The following RASGRP4 variants were observed in gnomAD, a reference collection of about 807,000 sequenced individuals.
The protein encoded by RASGRP4 is RAS guanyl-releasing protein 4.
RASGRP4 carries 52 observed loss-of-function variants against 84.4 expected under a neutral mutation model. The observed-to-expected ratio is 0.62, with a 90% CI of 0.49 to 0.78. The LOEUF is 0.78. Ranked by LOEUF, RASGRP4 falls within the 30% of genes least tolerant of loss-of-function variation. RASGRP4 has a pLI of 0.00. For missense variants in RASGRP4, 760 were observed against 886.9 expected (o/e 0.86, Z 1.82); for synonymous variants, 356 against 359.1 (o/e 0.99, Z 0.10).
chr19:38,420,836 G>T, intron 4 of RASGRP4, 72 bp downstream of exon 4: 1 of 1,476,696 alleles, frequency 6.8e-7, no homozygotes, highest in Non-Finnish European at 9.5e-7. Flanking sequence ...GATTCTCTGA[G>T]GAATGTTTTT....
chr19:38,410,483 G>A (rs1258082037), intron 16 of RASGRP4, among the ~76,000 whole-genome samples: 1 of 149,630 alleles, frequency 6.7e-6, no homozygotes, highest in Non-Finnish European at 1.5e-5. Context: ...CACAATCTCA[G>A]CTCACTACAG....
intron 9 of RASGRP4, among the ~76,000 whole-genome samples, chr19:38,414,216 C>T (rs368767038): frequency 1.3e-5 from 2 of 152,318 alleles, no homozygotes; most frequent in African/African-American, 4.8e-5. Flanking sequence ...TGAGCCACTG[C>T]GCCCGGCTAG....
Position 38,410,051 on chromosome 19 carries a change from G to C in RASGRP4, c.2011C>G (p.Leu671Val). The change falls in exon 17 of 17, where the codon CTG (leucine) becomes GTG (valine). Residue 671 changes from leucine to valine, a missense_variant. Leu to Val is a conservative substitution (Grantham distance 32). Coordinates refer to ENST00000615439, the MANE Select transcript of RASGRP4 (RefSeq NM_170604.3). ...AGACCAAGAGATGTCTAGGAATCCAGCTTGGAGGATGCAGTTGATGGTGGG... is the reference window on the plus strand; with the variant it reads ...AGACCAAGAGATGTCTAGGAATCCACCTTGGAGGATGCAGTTGATGGTGGG... ...MDPPSTASSK[L>V]DS 4 of 1,612,266 alleles carry C rather than the reference G, an allele frequency of 2.5e-6. No individual in the cohort carries two copies. The highest frequency in any genetic ancestry group is 3.4e-6 in the Non-Finnish European group (4 of 1,179,026).
rs1600589092 is a variant in RASGRP4, at chr19:38,426,212, G to A, written c.-121C>T. The A allele has an allele frequency of 6.2e-6, 5 of 810,714 alleles. No individual in the cohort carries two copies. In the East Asian group the frequency reaches 1.7e-4, roughly 27 times the overall value. 50.2% of individuals were successfully genotyped at this position (810,714 alleles called of 1,614,324 possible). The stretch of plus-strand genomic sequence containing the variant: ...CTGGGGCCTCCTCGGTGCTTGGGAA[G>A]GAAAGAGGAACTGCCCCTCCCCACC... On this transcript the variant is annotated 5_prime_UTR_variant, in exon 1 of 17. Coordinates refer to ENST00000615439, the MANE Select transcript of RASGRP4 (RefSeq NM_170604.3).
chr19:38,426,018 C>G, intron 1 of RASGRP4, 51 bp downstream of exon 1: 2 of 1,329,308 alleles, frequency 1.5e-6, no homozygotes, highest in Non-Finnish European at 2.0e-6. Context: ...CCCTCCCATG[C>G]AGAGGGAGGC....
intron 8 of RASGRP4, among the ~76,000 whole-genome samples, chr19:38,416,727 G>T (rs1410014111): frequency 6.6e-6 from 1 of 152,110 alleles, no homozygotes; most frequent in African/African-American, 2.4e-5. Flanking sequence ...GGGCATCTTC[G>T]GCTTAATTTC....
chr19:38,411,030 CT>C, intron 15 of RASGRP4, 32 bp from the exon 16 acceptor site: 1 of 1,610,098 alleles, frequency 6.2e-7, no homozygotes, highest in Non-Finnish European at 8.5e-7. Context: ...GGATGTGGGT[CT>C]GATGGGAAGG....
Position 38,417,805 on chromosome 19 carries a change from C to T in RASGRP4, c.837+586G>A, listed in dbSNP as rs1415541050. On this transcript the variant is annotated intron_variant, in intron 7 of 16. Transcript: ENST00000615439. This position sits in a 1 kb window ranked among gnomAD's most constrained non-coding sequence, Gnocchi z 5.1. Reference sequence around the variant, plus strand: ...CGTCGAGACCCCCAGGTCTCAGGGGCCCTGCAGGAGTAAGCAAGCCAGGGA... The same window carrying T: ...CGTCGAGACCCCCAGGTCTCAGGGGTCCTGCAGGAGTAAGCAAGCCAGGGA... Among the ~76,000 whole-genome samples the T allele has an allele frequency of 6.6e-6, 1 of 152,080 alleles. No homozygotes were observed. The highest frequency in any genetic ancestry group is 6.6e-5 in the Admixed American group (1 of 15,266).
chr19:38,420,092 C>A, intron 5 of RASGRP4, 39 bp downstream of exon 5: 1 of 1,607,016 alleles, frequency 6.2e-7, no homozygotes, highest in South Asian at 1.1e-5. Flanking sequence ...GGCAGAATGG[C>A]GATGGGGCAG....
chr19:38,416,264 G>A (rs1309170323), intron 8 of RASGRP4, among the ~76,000 whole-genome samples: 1 of 151,436 alleles, frequency 6.6e-6, no homozygotes, highest in Admixed American at 6.6e-5. Flanking sequence ...AGGAGTTTGA[G>A]ACCAGCCTGG....
At chr19:38,420,398 G>T in intron 4 of RASGRP4, 136 bp from the exon 5 acceptor site, 2 of 884,610 alleles carry the variant, frequency 2.3e-6, no homozygotes, top group Non-Finnish European at 3.3e-6. Context: ...GGAGGGTTGG[G>T]GTTTGGAGGG....
chr19:38,413,344 G>C lies in RASGRP4; in HGVS notation c.1312-47C>G, dbSNP rs368195529. Reference sequence around the variant, plus strand: ...ACAGTTAGTCACTGCATAGGCTTAGGGGGGGTTCGAGGTAATTGGGGGAGT... The same window carrying C: ...ACAGTTAGTCACTGCATAGGCTTAGCGGGGGTTCGAGGTAATTGGGGGAGT... On this transcript the variant is annotated intron_variant, in intron 10 of 16. Transcript: ENST00000615439. The surrounding 1 kb of genome is among the most constrained non-coding windows in gnomAD (Gnocchi z 4.7). 28 of 1,603,310 alleles carry C rather than the reference G, an allele frequency of 1.7e-5. No individual in the cohort carries two copies. The highest frequency in any genetic ancestry group is 1.0e-4 in the Admixed American group (6 of 59,504).
intron 1 of RASGRP4, 129 bp from the exon 2 acceptor site, chr19:38,422,282 CT>C: frequency 1.3e-6 from 1 of 780,240 alleles, no homozygotes; most frequent in Non-Finnish European, 2.0e-6. Context: ...AGGGTTACCC[CT>C]GACCTACCAG....
In RASGRP4 at chr19:38,413,079, G is replaced by A. The variant is rs778403103; in HGVS notation, c.1417-30C>T. The A allele has an allele frequency of 1.8e-5, 29 of 1,594,630 alleles. 1 individual carries two copies. In the South Asian group the frequency reaches 2.8e-4, roughly 15 times the overall value. On this transcript the variant is annotated intron_variant, in intron 11 of 16. Coordinates refer to ENST00000615439, the MANE Select transcript of RASGRP4 (RefSeq NM_170604.3). The surrounding 1 kb of genome is among the most constrained non-coding windows in gnomAD (Gnocchi z 4.7). ...AGAGGAGTGTGGGGAAGCAGATAAG[G>A]CCCAGTTGTCGAAATATGATCCCCA...
In RASGRP4 at chr19:38,409,334, A is replaced by T. The variant is rs1280425580; in HGVS notation, c.*706T>A. ...CACTGGGGATGCAGCAGTGAATGACATTGATAGAAATCCCTGTTCTCCTGG... is the reference window on the plus strand; with the variant it reads ...CACTGGGGATGCAGCAGTGAATGACTTTGATAGAAATCCCTGTTCTCCTGG... On this transcript the variant is annotated 3_prime_UTR_variant, in exon 17 of 17. Coordinates refer to ENST00000615439, the MANE Select transcript of RASGRP4 (RefSeq NM_170604.3). 1.3e-5 allele frequency: 2 copies of T among 154,238 alleles called. No individual in the cohort carries two copies. The highest frequency in any genetic ancestry group is 2.9e-5 in the Non-Finnish European group (2 of 69,616). The allele number at this position is 154,238 out of a possible 1,614,324, so 9.6% of individuals were successfully genotyped here.
chr19:38,412,876 C>A lies in RASGRP4; in HGVS notation c.1535+55G>T. On this transcript the variant is annotated intron_variant, in intron 12 of 16. Coordinates refer to ENST00000615439, the MANE Select transcript of RASGRP4 (RefSeq NM_170604.3). The surrounding 1 kb of genome is among the most constrained non-coding windows in gnomAD (Gnocchi z 4.6). ...CCCAACGTCCTCCAGACCCAGGAGT[C>A]CAGGCAACCCCAGTGTCCTCATCTT... 6.2e-7 allele frequency: 1 copy of A among 1,612,892 alleles called. No individual in the cohort carries two copies. Among genetic ancestry groups the A allele is most frequent in the Non-Finnish European group, 8.5e-7 (1 of 1,179,072 alleles).
intron 9 of RASGRP4, among the ~76,000 whole-genome samples, chr19:38,414,167 C>T (rs1242004292): frequency 6.6e-6 from 1 of 151,966 alleles, no homozygotes; most frequent in Non-Finnish European, 1.5e-5. Context: ...TCAGGCAATC[C>T]GCCTACCTCA....
chr19:38,418,100 TG>T lies in RASGRP4; in HGVS notation c.837+290del, dbSNP rs777671165. 4.6e-5 allele frequency among the ~76,000 whole-genome samples: 7 copies of T among 151,366 alleles called. No individual in the cohort carries two copies. Among genetic ancestry groups the T allele is most frequent in the Non-Finnish European group, 1.0e-4 (7 of 67,882 alleles). On this transcript the variant is annotated intron_variant, in intron 7 of 16. Transcript: ENST00000615439. This position sits in a 1 kb window ranked among gnomAD's most constrained non-coding sequence, Gnocchi z 4.6. The stretch of plus-strand genomic sequence containing the variant: ...TCCATGCCCCACAAAGGTGGGGGCA[TG>T]GAAGAGACACTCTCATTGACCTGGG...
rs541863413 is a variant in RASGRP4, at chr19:38,413,260, C to T, written c.1349G>A (p.Trp450Ter). ...SPFNAPLVVEWAPGVTPKPDR... is the reference protein window; with the variant it reads ...SPFNAPLVVE ...CGGCTTGGGTGTCACACCAGGGGCC[C>T]ACTCCACCACCAGAGGTGCATTGAA... Residue 450 changes from tryptophan (W) to a stop codon, truncating the protein, a stop_gained, in exon 11 of 17, where the codon TGG becomes TAG. Coordinates refer to ENST00000615439, the MANE Select transcript of RASGRP4 (RefSeq NM_170604.3). LOFTEE classifies it high-confidence loss of function. This position sits in a 1 kb window ranked among gnomAD's most constrained non-coding sequence, Gnocchi z 4.7. The T allele has an allele frequency of 6.2e-7, 1 of 1,613,814 alleles. No individual in the cohort carries two copies. Among genetic ancestry groups the T allele is most frequent in the East Asian group, 2.2e-5 (1 of 44,866 alleles).
Sources: gnomAD v4.1 joint callset for allele counts (sites outside exome capture counted in the v4.1 genomes callset) on GRCh38, gnomAD v4.1.1 for gene constraint, Gnocchi (gnomAD v3.1) non-coding constraint, MANE v1.5 for transcripts, NCBI Gene and HGNC (gene_info 2026-07-23, HGNC 2026-07-21) for gene names.